The following SALL3 variants were observed in gnomAD, a reference collection of about 807,000 sequenced individuals.
SALL3 encodes the protein spalt like transcription factor 3.
A neutral mutation model predicts 66.2 loss-of-function variants in SALL3; 25 were observed. That is an observed-to-expected ratio of 0.38 (90% confidence interval 0.28 to 0.53). SALL3 has a LOEUF of 0.53. Ranked by LOEUF, SALL3 falls within the 20% of genes least tolerant of loss-of-function variation. The probability of loss-of-function intolerance (pLI) is 0.85; values close to 1 mark genes in which losing one functional copy is unlikely to be tolerated. For missense variants in SALL3, 2,194 were observed against 1,916.5 expected (o/e 1.14, Z -2.70); for synonymous variants, 1,152 against 899.1 (o/e 1.28, Z -5.03).
chr18:78,986,873 G>T (rs925095846), intron 1 of SALL3, among the ~76,000 whole-genome samples: 1 of 152,130 alleles, frequency 6.6e-6, no homozygotes, highest in African/African-American at 2.4e-5. Flanking sequence ...TTTGTAATTG[G>T]TTAGCTTACT....
At position 78,994,896 on chromosome 18, in the gene SALL3, A is replaced by T; in HGVS notation, c.2905A>T (p.Arg969Trp). 6.2e-7 allele frequency: 1 copy of T among 1,612,398 alleles called. No homozygotes were observed. The highest frequency in any genetic ancestry group is 8.5e-7 in the Non-Finnish European group (1 of 1,179,528). ...GCCCTTCAGCCTGCTGTTCCTGAGC[A>T]GGGAGCGGGGTAAGTGTCCCAGCAC... ...EAPFSLLFLSRERGKCPSTVC... is the reference protein window; with the variant it reads ...EAPFSLLFLSWERGKCPSTVC... The change falls in exon 2 of 3, where the codon AGG becomes TGG. Residue 969 changes from arginine to tryptophan, a missense_variant. Arg to Trp is a moderately radical substitution (Grantham distance 101). Transcript: ENST00000537592.
chr18:78,986,294 G>T (rs1312484667), intron 1 of SALL3, among the ~76,000 whole-genome samples: 1 of 152,214 alleles, frequency 6.6e-6, no homozygotes, highest in Non-Finnish European at 1.5e-5. Context: ...CAAATTTGAG[G>T]TGTGGGCCAT....
Position 78,994,051 on chromosome 18 carries a change from T to C in SALL3, c.2060T>C (p.Val687Ala). Reference sequence around the variant, plus strand: ...AACCAGTGCGTCATCTGCCACCGGGTGCTGAGCTGCCAGAGCGCGCTGAAG... The same window carrying C: ...AACCAGTGCGTCATCTGCCACCGGGCGCTGAGCTGCCAGAGCGCGCTGAAG... ...DPNQCVICHR[V>A]LSCQSALKMH... The change falls in exon 2 of 3, where the codon GTG becomes GCG. Residue 687 changes from valine (V) to alanine (A), a missense_variant. By Grantham distance (64) the Val-to-Ala change is moderately conservative. Transcript: ENST00000537592. The C allele has an allele frequency of 6.2e-7, 1 of 1,612,744 alleles. No individual in the cohort carries two copies. Among genetic ancestry groups the C allele is most frequent in the Non-Finnish European group, 8.5e-7 (1 of 1,179,940 alleles).
chr18:78,992,986 C>A lies in SALL3; in HGVS notation c.995C>A (p.Ala332Glu), dbSNP rs762622791. The change falls in exon 2 of 3, where the codon GCA becomes GAA. Residue 332 changes from alanine to glutamate, a missense_variant. Physicochemically the swap from Ala to Glu is moderately radical, Grantham distance 107 (BLOSUM62 -1). Transcript: ENST00000537592. ...GCCCCGGCGCCAGCGCCGCAGAGCGCAGCCTCGTCGCAGCCGCAGAGCGCA... is the reference window on the plus strand; with the variant it reads ...GCCCCGGCGCCAGCGCCGCAGAGCGAAGCCTCGTCGCAGCCGCAGAGCGCA... ...APAPAPAPQS[A>E]ASSQPQSAST... The A allele has an allele frequency of 1.4e-6, 2 of 1,440,922 alleles. No individual in the cohort carries two copies. The highest frequency in any genetic ancestry group is 1.8e-6 in the Non-Finnish European group (2 of 1,106,434). The allele number at this position is 1,440,922 out of a possible 1,614,324, so 89.3% of individuals were successfully genotyped here.
rs764612695 is a variant in SALL3 at position 78,993,171 on chromosome 18, A to G, written c.1180A>G (p.Met394Val). 6.2e-7 allele frequency: 1 copy of G among 1,609,412 alleles called. No individual in the cohort carries two copies. Among genetic ancestry groups the G allele is most frequent in the Non-Finnish European group, 8.5e-7 (1 of 1,178,808 alleles). The change falls in exon 2 of 3, where the codon ATG (methionine) becomes GTG (valine). Residue 394 changes from methionine (M) to valine (V), a missense_variant. Transcript: ENST00000537592. ...ANALDPLSAL[M>V]KHRKGKPPNV... is the part of the protein sequence containing the mutation. Reference sequence around the variant, plus strand: ...CGCTCTGGACCCGCTGTCCGCGCTCATGAAGCACCGCAAGGGCAAGCCGCC... The same window carrying G: ...CGCTCTGGACCCGCTGTCCGCGCTCGTGAAGCACCGCAAGGGCAAGCCGCC...
At chr18:78,986,397 T>G (rs1279877347) in intron 1 of SALL3, among the ~76,000 whole-genome samples, 1 of 152,110 alleles carries the variant, frequency 6.6e-6, no homozygotes, top group Non-Finnish European at 1.5e-5. Flanking sequence ...CACTCTGAGG[T>G]CTCGGGAAAA....
At chr18:78,990,360 T>A (rs1914387913) in intron 1 of SALL3, among the ~76,000 whole-genome samples, 1 of 152,226 alleles carries the variant, frequency 6.6e-6, no homozygotes, top group Non-Finnish European at 1.5e-5. Flanking sequence ...CCCCTTCAGA[T>A]GGTTTAGCCA....
Position 78,992,577 on chromosome 18 carries a change from G to C in SALL3, c.586G>C (p.Gly196Arg), listed in dbSNP as rs964911497. 1 of 1,506,744 alleles carries C rather than the reference G, an allele frequency of 6.6e-7. No homozygotes were observed. Among genetic ancestry groups the C allele is most frequent in the African/African-American group, 1.4e-5 (1 of 69,114 alleles). The allele number at this position is 1,506,744 out of a possible 1,614,324, so 93.3% of individuals were successfully genotyped here. The change falls in exon 2 of 3, where the codon GGC (glycine) becomes CGC (arginine). Residue 196 changes from glycine (G) to arginine (R), a missense_variant. Transcript: ENST00000537592. ...GGCAGGCGGCTCGGGAGCAGGTGGA[G>C]GCGTGGCAGCTGCAGCCGTGCCCCT... is the stretch of plus-strand genomic sequence containing the variant. ...RAAGGSGAGGGVAAAAVPLIL... is the reference protein window; with the variant it reads ...RAAGGSGAGGRVAAAAVPLIL...
intron 1 of SALL3, among the ~76,000 whole-genome samples, chr18:78,982,738 C>G (rs967308706): frequency 6.6e-6 from 1 of 152,106 alleles, no homozygotes; most frequent in African/African-American, 2.4e-5. Flanking sequence ...CAGACCGTGC[C>G]GGAAGTTGCA....
At chr18:78,996,786 C>T (rs1476689326) in intron 2 of SALL3, 105 bp from the exon 3 acceptor site, 6 of 1,149,960 alleles carry the variant, frequency 5.2e-6, no homozygotes, top group East Asian at 5.1e-5. Flanking sequence ...GTCCGTAAGT[C>T]GCGCTTGGGA....
intron 1 of SALL3, among the ~76,000 whole-genome samples, chr18:78,981,913 C>T (rs987191379): frequency 1.3e-5 from 2 of 152,156 alleles, no homozygotes; most frequent in Non-Finnish European, 2.9e-5. Context: ...AACTACATTG[C>T]GTCCCAGTGA....
rs1218582647 is a variant in SALL3, at chr18:78,992,388, C to T, written c.397C>T (p.Pro133Ser). 2 of 1,326,176 alleles carry T rather than the reference C, an allele frequency of 1.5e-6. No individual in the cohort carries two copies. The highest frequency in any genetic ancestry group is 4.2e-5 in the Admixed American group (1 of 23,546). The allele number at this position is 1,326,176 out of a possible 1,614,324, so 82.2% of individuals were successfully genotyped here. The change falls in exon 2 of 3, where the codon CCC (proline) becomes TCC (serine). Residue 133 changes from proline to serine, a missense_variant. By Grantham distance (74) the Pro-to-Ser change is moderately conservative. Coordinates refer to ENST00000537592, the MANE Select transcript of SALL3 (RefSeq NM_171999.4). The part of the protein sequence containing the change: ...EARPVEKEAE[P>S]MDAEPAGDTR... ...CAGGCCGGTGGAGAAGGAGGCCGAGCCCATGGACGCGGAACCCGCGGGGGA... is the reference window on the plus strand; with the variant it reads ...CAGGCCGGTGGAGAAGGAGGCCGAGTCCATGGACGCGGAACCCGCGGGGGA...
intron 1 of SALL3, among the ~76,000 whole-genome samples, chr18:78,985,447 G>A (rs898090034): frequency 6.6e-6 from 1 of 152,220 alleles, no homozygotes; most frequent in Non-Finnish European, 1.5e-5. Flanking sequence ...CTTTTCGAGA[G>A]TGACCTTCAC....
intron 1 of SALL3, among the ~76,000 whole-genome samples, chr18:78,986,143 G>A (rs1006552442): frequency 8.5e-5 from 13 of 152,206 alleles, no homozygotes; most frequent in African/African-American, 2.9e-4. Flanking sequence ...AAGCAAATGC[G>A]AGTGCTGTCC....
intron 1 of SALL3, among the ~76,000 whole-genome samples, chr18:78,991,281 CAATT>C (rs1304303094): frequency 6.8e-6 from 1 of 147,912 alleles, no homozygotes; most frequent in Non-Finnish European, 1.5e-5. Flanking sequence ...CTGACAGAGC[CAATT>C]AATTGTATTA....
In SALL3 at chr18:78,992,174, C is replaced by A. The variant is rs1408042177; in HGVS notation, c.183C>A (p.Phe61Leu). The change falls in exon 2 of 3, where the codon TTC (phenylalanine) becomes TTA (leucine). Residue 61 changes from phenylalanine (F) to leucine (L), a missense_variant. Physicochemically the swap from Phe to Leu is conservative, Grantham distance 22. Transcript: ENST00000537592. ...GCGAGAAATGCTGCGCCGAGTTCTT[C>A]AAGTGGGCGGACTTCCTGGAGCACC... ...SVCEKCCAEF[F>L]KWADFLEHQR... The A allele has an allele frequency of 2.5e-6, 4 of 1,610,146 alleles. No homozygotes were observed. The African/African-American group carries it at 4.0e-5, about 16-fold the overall frequency.
chr18:78,998,157 T>G lies in SALL3; in HGVS notation c.*835T>G, dbSNP rs1914763255. 1 of 152,522 alleles carries G rather than the reference T, an allele frequency of 6.6e-6. No homozygotes were observed. The highest frequency in any genetic ancestry group is 1.9e-4 in the East Asian group (1 of 5,196). 9.4% of individuals were successfully genotyped at this position (152,522 alleles called of 1,614,324 possible). On this transcript the variant is annotated 3_prime_UTR_variant, in exon 3 of 3. Transcript: ENST00000537592. ...TGACTCACAACATTATAAACAGTTG[T>G]GAGAAAATATTTCACATTATCAAAG...
intron 1 of SALL3, among the ~76,000 whole-genome samples, chr18:78,980,847 G>GT (rs1317729139): frequency 6.6e-6 from 1 of 152,174 alleles, no homozygotes; most frequent in East Asian, 1.9e-4. Flanking sequence ...ACCGCCTCGG[G>GT]TGACCCGCGG....
chr18:78,994,104 C>T lies in SALL3; in HGVS notation c.2113C>T (p.Arg705Trp), dbSNP rs748726882. Residue 705 changes from arginine (R) to tryptophan (W), a missense_variant, in exon 2 of 3, where the codon CGG becomes TGG. Arg to Trp is a moderately radical substitution (Grantham distance 101). Transcript: ENST00000537592. ...KMHYRTHTGERPFKCKICGRA... is the reference protein window; with the variant it reads ...KMHYRTHTGEWPFKCKICGRA... Reference sequence around the variant, plus strand: ...GCACTACCGGACGCACACGGGGGAGCGGCCGTTCAAGTGCAAGATCTGCGG... The same window carrying T: ...GCACTACCGGACGCACACGGGGGAGTGGCCGTTCAAGTGCAAGATCTGCGG... The T allele has an allele frequency of 3.1e-6, 5 of 1,612,722 alleles. No homozygotes were observed. The Admixed American group carries it at 8.3e-5, about 27-fold the overall frequency.
Sources: gnomAD v4.1 joint callset for allele counts (sites outside exome capture counted in the v4.1 genomes callset) on GRCh38, gnomAD v4.1.1 for gene constraint, MANE v1.5 for transcripts, NCBI Gene and HGNC (gene_info 2026-07-23, HGNC 2026-07-21) for gene names.